LRRC4C: variants seen among roughly 807,000 people sequenced by gnomAD.
LRRC4C encodes leucine rich repeat containing 4C.
In LRRC4C, 5 loss-of-function variants were observed where a neutral mutation model predicts 33.6. The observed-to-expected ratio is 0.15, with a 90% CI of 0.08 to 0.31. The LOEUF (loss-of-function observed/expected upper bound fraction) is 0.31. LRRC4C is among the 10% of genes least tolerant of loss of function. LRRC4C has a pLI of 1.00. For synonymous variants in LRRC4C, 329 were observed against 302.0 expected (o/e 1.09, Z -0.93); for missense variants, 560 against 796.7 (o/e 0.70, Z 3.58).
chr11:41,067,037 T>C (rs771606716), intron 1 of LRRC4C, among the ~76,000 whole-genome samples: 4 of 152,132 alleles, frequency 2.6e-5, no homozygotes, highest in Non-Finnish European at 5.9e-5. Flanking sequence ...ACTAGCATCA[T>C]GACGACAGGA....
chr11:40,360,742 C>A (rs1312268286), intron 3 of LRRC4C, among the ~76,000 whole-genome samples: 1 of 152,142 alleles, frequency 6.6e-6, no homozygotes, highest in Non-Finnish European at 1.5e-5. Context: ...CTCCCTAACT[C>A]ATTCTATAAG....
chr11:40,768,701 T>C (rs1949603055), intron 2 of LRRC4C, among the ~76,000 whole-genome samples: 1 of 152,124 alleles, frequency 6.6e-6, no homozygotes, highest in South Asian at 2.1e-4. Context: ...AATCAATCAG[T>C]GTGATACATT....
At chr11:40,501,116 G>A (rs1024298058) in intron 3 of LRRC4C, among the ~76,000 whole-genome samples, 8 of 121,680 alleles carry the variant, frequency 6.6e-5, no homozygotes, top group African/African-American at 1.3e-4. Flanking sequence ...TTCATGTCTC[G>A]AATCCAGGTC....
At chr11:41,340,207 A>G (rs1951584675) in intron 1 of LRRC4C, among the ~76,000 whole-genome samples, 1 of 152,198 alleles carries the variant, frequency 6.6e-6, no homozygotes, top group Non-Finnish European at 1.5e-5. Context: ...AAAATAATTT[A>G]TTAGAGGCAA....
At chr11:40,954,824 T>TGATATTTA (rs1958887753) in intron 1 of LRRC4C, among the ~76,000 whole-genome samples, 1 of 151,774 alleles carries the variant, frequency 6.6e-6, no homozygotes. Flanking sequence ...TCACTGGAGG[T>TGATATTTA]AATTTTGGGT....
At chr11:40,454,871 C>A (rs1410015883) in intron 3 of LRRC4C, among the ~76,000 whole-genome samples, 1 of 151,970 alleles carries the variant, frequency 6.6e-6, no homozygotes, top group Non-Finnish European at 1.5e-5. Flanking sequence ...AGTATTTATT[C>A]TCTACTTAGT....
At chr11:40,780,768 A>C (rs1214335261) in intron 2 of LRRC4C, among the ~76,000 whole-genome samples, 1 of 149,804 alleles carries the variant, frequency 6.7e-6, no homozygotes, top group Non-Finnish European at 1.5e-5. Flanking sequence ...AGAGCTAGCA[A>C]ATTGAAAACT....
At chr11:41,454,590 T>C (rs61877347) in intron 1 of LRRC4C, among the ~76,000 whole-genome samples, 1,784 of 152,230 alleles carry the variant, frequency 0.012, 15 homozygotes, top group Middle Eastern at 0.024. Context: ...TGCAACCACA[T>C]ATGGAAAGAT....
At chr11:40,628,564 G>A (rs1384319417) in intron 3 of LRRC4C, among the ~76,000 whole-genome samples, 2 of 151,992 alleles carry the variant, frequency 1.3e-5, no homozygotes, top group African/African-American at 4.8e-5. Context: ...CTTAATCAGA[G>A]CATTTTTTTC....
At chr11:41,242,060 A>T (rs1290698829) in intron 1 of LRRC4C, among the ~76,000 whole-genome samples, 2 of 152,152 alleles carry the variant, frequency 1.3e-5, no homozygotes, top group Admixed American at 1.3e-4. Flanking sequence ...TTACAAAATC[A>T]TTCTAAAGAA....
chr11:40,810,977 C>A (rs1168395825), intron 2 of LRRC4C, among the ~76,000 whole-genome samples: 6 of 152,150 alleles, frequency 3.9e-5, no homozygotes, highest in Non-Finnish European at 7.3e-5. Flanking sequence ...AAACTCTTCC[C>A]ATGTTCTGCA....
intron 1 of LRRC4C, among the ~76,000 whole-genome samples, chr11:41,127,895 G>T (rs1448773924): frequency 6.6e-6 from 1 of 152,050 alleles, no homozygotes; most frequent in African/African-American, 2.4e-5. Flanking sequence ...ACTGGGATTT[G>T]GGGATGTTTG....
intron 2 of LRRC4C, among the ~76,000 whole-genome samples, chr11:40,789,369 G>T (rs370783151): frequency 1.3e-5 from 2 of 152,064 alleles, no homozygotes; most frequent in South Asian, 4.1e-4. Flanking sequence ...GTACATAGTC[G>T]ATTGCACATC....
At chr11:40,746,330 C>A (rs1948419332) in intron 2 of LRRC4C, among the ~76,000 whole-genome samples, 2 of 152,106 alleles carry the variant, frequency 1.3e-5, no homozygotes, top group Admixed American at 6.5e-5. Context: ...CATTTTAGAG[C>A]CCCATCCCTA....
At chr11:40,232,339 T>A (rs1170206017) in intron 5 of LRRC4C, among the ~76,000 whole-genome samples, 1 of 152,084 alleles carries the variant, frequency 6.6e-6, no homozygotes, top group Non-Finnish European at 1.5e-5. Flanking sequence ...CTTCACATAA[T>A]GCAAATAACA....
In LRRC4C at chr11:41,245,009, G is replaced by A. The variant is rs147041624; in HGVS notation, c.-496+214422C>T. On this transcript the variant is annotated intron_variant, in intron 1 of 6. Coordinates refer to ENST00000528697, the MANE Select transcript of LRRC4C (RefSeq NM_001258419.2). ...GGTGTGGTTAATGGAATGGACTCTG[G>A]AGTCACCCTTCCTAGTTTAAAACCT... Among the ~76,000 whole-genome samples the A allele has an allele frequency of 1.1e-3, 175 of 152,252 alleles. 1 individual carries two copies. The highest frequency in any genetic ancestry group is 4.1e-3 in the African/African-American group (169 of 41,550).
chr11:40,472,620 C>T (rs1590846043), intron 3 of LRRC4C, among the ~76,000 whole-genome samples: 1 of 151,568 alleles, frequency 6.6e-6, no homozygotes, highest in Non-Finnish European at 1.5e-5. Flanking sequence ...CAGAGCAGAA[C>T]TGAAGGAGAT....
intron 1 of LRRC4C, among the ~76,000 whole-genome samples, chr11:41,109,643 G>A (rs577717708): frequency 4.1e-4 from 62 of 152,076 alleles, no homozygotes; most frequent in South Asian, 8.3e-4. Context: ...TAAAAAGTGC[G>A]TAACGGAACT....
intron 6 of LRRC4C, among the ~76,000 whole-genome samples, chr11:40,122,984 CACAT>C (rs201838647): frequency 0.13 from 15,900 of 127,152 alleles, 1,171 homozygotes; most frequent in East Asian, 0.35. Context: ...CACACACACA[CACAT>C]ATATACTATT....
Sources: gnomAD v4.1 joint callset for allele counts (sites outside exome capture counted in the v4.1 genomes callset) on GRCh38, gnomAD v4.1.1 for gene constraint, MANE v1.5 for transcripts, NCBI Gene and HGNC (gene_info 2026-07-23, HGNC 2026-07-21) for gene names.